The following CACNA1E variants were observed in gnomAD, a reference collection of about 807,000 sequenced individuals.
CACNA1E encodes the protein calcium voltage-gated channel subunit alpha1 E.
In CACNA1E, 40 loss-of-function variants were observed where a neutral mutation model predicts 259.2. The ratio of observed to expected loss-of-function variants is 0.15; its 90% CI spans 0.12 to 0.20. The LOEUF (loss-of-function observed/expected upper bound fraction) is 0.20, where lower values mean the gene tolerates loss of function less well. Among genes scored for constraint, CACNA1E ranks in the 10% least tolerant of loss-of-function variants. CACNA1E has a pLI of 1.00. For synonymous variants in CACNA1E, 1,104 were observed against 1,138.5 expected (o/e 0.97, Z 0.61); for missense variants, 1,874 against 3,040.1 (o/e 0.62, Z 9.02).
intron 2 of CACNA1E, 140 bp from the exon 3 acceptor site, chr1:181,511,231 G>A (rs1666139282): frequency 1.1e-6 from 1 of 926,638 alleles, no homozygotes; most frequent in East Asian, 2.4e-5. Flanking sequence ...GCCTGCAAGG[G>A]TCCCTTAGCA....
intron 37 of CACNA1E, among the ~76,000 whole-genome samples, chr1:181,773,381 GA>G (rs993694486): frequency 1.3e-5 from 2 of 152,024 alleles, no homozygotes; most frequent in African/African-American, 4.8e-5. Context: ...TAAAATGGGA[GA>G]AAAAAATGAC....
At chr1:181,555,511 C>T (rs148377588) in intron 3 of CACNA1E, among the ~76,000 whole-genome samples, 74 of 152,298 alleles carry the variant, frequency 4.9e-4, no homozygotes, top group African/African-American at 1.5e-3. Context: ...GTGCCACCTG[C>T]GATTTCTTCT....
intron 6 of CACNA1E, among the ~76,000 whole-genome samples, chr1:181,628,541 A>G (rs1019942201): frequency 1.3e-4 from 20 of 152,216 alleles, no homozygotes; most frequent in Admixed American, 1.3e-3. Flanking sequence ...TGTCAAGATT[A>G]ACTCAGAGAA....
intron 1 of CACNA1E, among the ~76,000 whole-genome samples, chr1:181,347,470 G>A (rs1378518491): frequency 6.6e-6 from 1 of 152,134 alleles, no homozygotes; most frequent in East Asian, 1.9e-4. Flanking sequence ...GCACAGCAAG[G>A]CAGATAGAAT....
chr1:181,363,113 C>T (rs533308134), intron 1 of CACNA1E, among the ~76,000 whole-genome samples: 1 of 152,276 alleles, frequency 6.6e-6, no homozygotes, highest in Admixed American at 6.5e-5. Context: ...ATTCCATCCC[C>T]TAAGTCTTGA....
At chr1:181,554,698 A>G (rs1160129878) in intron 3 of CACNA1E, among the ~76,000 whole-genome samples, 1 of 152,196 alleles carries the variant, frequency 6.6e-6, no homozygotes, top group Non-Finnish European at 1.5e-5. Context: ...CACACTGTGT[A>G]CTGACGTACG....
Position 181,803,149 on chromosome 1 carries a change from C to G in CACNA1E, c.*4315C>G, listed in dbSNP as rs534658853. The stretch of plus-strand genomic sequence containing the variant: ...CCATGCCTTGGGGTGAATTCTTCCC[C>G]ACTAGCTCTCTCACCCAGCCTACAA... On this transcript the variant is annotated 3_prime_UTR_variant, in exon 48 of 48. Transcript: ENST00000367573. The G allele has an allele frequency of 1.4e-4, 21 of 152,318 alleles. No homozygotes were observed. The highest frequency in any genetic ancestry group is 4.3e-4 in the African/African-American group (18 of 41,550). The allele number at this position is 152,318 out of a possible 1,614,324, so 9.4% of individuals were successfully genotyped here. A position where few individuals can be genotyped will look rare whatever the true frequency, so the allele number is the denominator to read the frequency against.
At chr1:181,736,955 G>A (rs1656099850) in intron 22 of CACNA1E, among the ~76,000 whole-genome samples, 1 of 152,164 alleles carries the variant, frequency 6.6e-6, no homozygotes, top group African/African-American at 2.4e-5. Flanking sequence ...GTTAGATTCA[G>A]GAAAGATGGA....
intron 3 of CACNA1E, among the ~76,000 whole-genome samples, chr1:181,571,371 C>G (rs1650393455): frequency 6.6e-6 from 1 of 152,112 alleles, no homozygotes. Flanking sequence ...GCCCTGAGGT[C>G]TGAATCAAAT....
At chr1:181,380,960 G>A (rs960485749) in intron 1 of CACNA1E, among the ~76,000 whole-genome samples, 10 of 152,210 alleles carry the variant, frequency 6.6e-5, no homozygotes, top group African/African-American at 2.2e-4. Flanking sequence ...GAGGTCGGGA[G>A]TTTGAGACCA....
At chr1:181,356,590 C>T (rs1437134904) in intron 1 of CACNA1E, among the ~76,000 whole-genome samples, 1 of 152,250 alleles carries the variant, frequency 6.6e-6, no homozygotes. Flanking sequence ...CTTTGCACAG[C>T]CTGCCAGCAG....
At chr1:181,785,229 C>T in intron 41 of CACNA1E, 89 bp from the exon 42 acceptor site, 1 of 777,424 alleles carries the variant, frequency 1.3e-6, no homozygotes. Context: ...CAGACCTGTT[C>T]CAGAGAGTGG....
intron 6 of CACNA1E, among the ~76,000 whole-genome samples, chr1:181,595,335 G>A (rs551685904): frequency 2.6e-5 from 4 of 152,258 alleles, no homozygotes; most frequent in Non-Finnish European, 5.9e-5. Flanking sequence ...CAATTTGGAA[G>A]GAAAGGCAGG....
intron 1 of CACNA1E, among the ~76,000 whole-genome samples, chr1:181,395,435 C>T (rs1656603277): frequency 6.6e-6 from 1 of 152,072 alleles, no homozygotes; most frequent in Non-Finnish European, 1.5e-5. Context: ...TTATATGAGT[C>T]AGAAATTTGG....
intron 2 of CACNA1E, among the ~76,000 whole-genome samples, chr1:181,438,184 G>A (rs548460424): frequency 6.6e-6 from 1 of 152,296 alleles, no homozygotes; most frequent in South Asian, 2.1e-4. Context: ...TCCTTGTTTA[G>A]TAGCATATGT....
chr1:181,785,545 C>G, intron 42 of CACNA1E, 127 bp downstream of exon 42: 1 of 867,880 alleles, frequency 1.2e-6, no homozygotes. Context: ...GTGCGGGGCC[C>G]AAGAACTTTC....
At chr1:181,445,601 G>A (rs74507185) in intron 2 of CACNA1E, among the ~76,000 whole-genome samples, 70 of 152,356 alleles carry the variant, frequency 4.6e-4, no homozygotes, top group Non-Finnish European at 8.7e-4. Context: ...CCTGTAATTG[G>A]TATTACACCA....
intron 3 of CACNA1E, among the ~76,000 whole-genome samples, chr1:181,529,567 G>A (rs952070170): frequency 6.6e-6 from 1 of 152,220 alleles, no homozygotes; most frequent in Admixed American, 6.5e-5. Context: ...GCAGCCAGGA[G>A]GAAGGCTGTA....
intron 7 of CACNA1E, among the ~76,000 whole-genome samples, chr1:181,653,603 T>C (rs1261588562): frequency 6.6e-6 from 1 of 152,236 alleles, no homozygotes; most frequent in Non-Finnish European, 1.5e-5. Context: ...ATTTTCTTCC[T>C]CTTCCAGCTT....
Sources: gnomAD v4.1 joint callset for allele counts (sites outside exome capture counted in the v4.1 genomes callset) on GRCh38, gnomAD v4.1.1 for gene constraint, MANE v1.5 for transcripts, NCBI Gene and HGNC (gene_info 2026-07-23, HGNC 2026-07-21) for gene names.